The following ATP13A5 variants were observed in gnomAD, a reference collection of about 807,000 sequenced individuals.
The protein encoded by ATP13A5 is ATPase 13A5.
ATP13A5 carries 149 observed loss-of-function variants against 150.2 expected under a neutral mutation model. The observed-to-expected ratio is 0.99, with a 90% confidence interval of 0.87 to 1.14. The LOEUF (loss-of-function observed/expected upper bound fraction) is 1.14, where lower values mean the gene tolerates loss of function less well. Ranked by LOEUF, ATP13A5 falls within the 50% of genes most tolerant of loss-of-function variation. The pLI is 0.00. For synonymous variants in ATP13A5, 497 were observed against 522.2 expected (o/e 0.95, Z 0.66); for missense variants, 1,383 against 1,449.3 (o/e 0.95, Z 0.74).
chr3:193,301,457 A>G, intron 23 of ATP13A5, 150 bp from the exon 24 acceptor site: 1 of 618,558 alleles, frequency 1.6e-6, no homozygotes, highest in Non-Finnish European at 2.8e-6. Context: ...TTAACCACTC[A>G]TTCATTCATT....
At chr3:193,333,319 T>G (rs767488738) in intron 11 of ATP13A5, among the ~76,000 whole-genome samples, 15 of 152,130 alleles carry the variant, frequency 9.9e-5, no homozygotes, top group Non-Finnish European at 2.2e-4. Flanking sequence ...TCCCAGACTT[T>G]CTTATTTTCT....
chr3:193,333,818 T>G lies in ATP13A5; in HGVS notation c.1204A>C (p.Ile402Leu), dbSNP rs754945295. The change falls in exon 11 of 30, where the codon ATC becomes CTC. Residue 402 changes from isoleucine (I) to leucine (L), a missense_variant. By Grantham distance (5) the Ile-to-Leu change is conservative. This residue lies in a region of ATP13A5 where 787 missense variants were observed against 771.9 expected (regional missense o/e 1.02). Transcript: ENST00000342358. ...ACACCAAGGCAGGCCAGGAACACGA[T>G]GAACTTGAAGGCATCGCTGTATAGT... ...FKLYSDAFKF[I>L]VFLACLGVMG... 1 of 1,613,964 alleles carries G rather than the reference T, an allele frequency of 6.2e-7. No homozygotes were observed. Among genetic ancestry groups the G allele is most frequent in the South Asian group, 1.1e-5 (1 of 91,082 alleles).
rs9825451 is a variant in ATP13A5 at position 193,279,941 on chromosome 3, G to A, written c.3227-487C>T. Among the ~76,000 whole-genome samples, 200 of 137,204 alleles carry A rather than the reference G, an allele frequency of 1.5e-3. 2 individuals are homozygous for A. Among genetic ancestry groups the A allele is most frequent in the African/African-American group, 5.5e-3 (193 of 35,316 alleles). The allele number at this position is 137,204 out of a possible 152,430, so 90.0% of individuals were successfully genotyped here. A position where few individuals can be genotyped will look rare whatever the true frequency, so the allele number is the denominator to read the frequency against. On this transcript the variant is annotated intron_variant, in intron 27 of 29. Coordinates refer to ENST00000342358, the MANE Select transcript of ATP13A5 (RefSeq NM_198505.4). ...AAACCATAAAACCTCCAGCTTCCACGGAGGCCCAACACTCTCTAGCTTCTG... is the reference window on the plus strand; with the variant it reads ...AAACCATAAAACCTCCAGCTTCCACAGAGGCCCAACACTCTCTAGCTTCTG...
chr3:193,363,664 C>G (rs749366577), intron 2 of ATP13A5, among the ~76,000 whole-genome samples: 2 of 152,164 alleles, frequency 1.3e-5, no homozygotes, highest in African/African-American at 2.4e-5. Flanking sequence ...AAAGATAATA[C>G]TTTTCAGGAA....
chr3:193,276,181 G>C (rs1195961185), intron 29 of ATP13A5, among the ~76,000 whole-genome samples: 1 of 152,042 alleles, frequency 6.6e-6, no homozygotes, highest in Non-Finnish European at 1.5e-5. Context: ...AAGTCTTAAA[G>C]CACATGAGTT....
chr3:193,359,931 G>T (rs1475312675), intron 5 of ATP13A5, among the ~76,000 whole-genome samples: 1 of 152,184 alleles, frequency 6.6e-6, no homozygotes, highest in Non-Finnish European at 1.5e-5. Context: ...GACAGAAGCA[G>T]GGTGGGTGGG....
intron 7 of ATP13A5, 97 bp downstream of exon 7, chr3:193,350,970 G>A: frequency 7.1e-7 from 1 of 1,416,556 alleles, no homozygotes; most frequent in East Asian, 2.4e-5. Context: ...ATGACTTATG[G>A]TTGACAAAGC....
rs376950614 is a variant in ATP13A5 at position 193,378,708 on chromosome 3, C to T, written c.18G>A (p.Lys6=). 5 of 1,613,794 alleles carry T rather than the reference C, an allele frequency of 3.1e-6. No individual in the cohort carries two copies. Among genetic ancestry groups the T allele is most frequent in the African/African-American group, 1.3e-5 (1 of 74,912 alleles). ...GGTTGAGCAAAGCCCGATGGTCCTT[C>T]TTACTGTTCTCTTCCATCTGAACTC... is the stretch of plus-strand genomic sequence containing the variant. MEENS[K]KDHRALLNQG... The change falls in exon 1 of 30, where the codon AAG becomes AAA. Residue 6 remains lysine (K), a synonymous_variant. Transcript: ENST00000342358.
At chr3:193,348,284 G>A (rs1375297222) in intron 7 of ATP13A5, among the ~76,000 whole-genome samples, 1 of 152,132 alleles carries the variant, frequency 6.6e-6, no homozygotes, top group African/African-American at 2.4e-5. Flanking sequence ...TTTGCATATC[G>A]TTATTATTCA....
intron 14 of ATP13A5, chr3:193,323,476 T>C (rs1206641308): frequency 6.6e-6 from 1 of 152,202 alleles, no homozygotes; most frequent in Non-Finnish European, 1.5e-5. Flanking sequence ...ACAGAGCTAA[T>C]ACTAAAGATT....
At chr3:193,320,342 C>T (rs1429678625) in intron 16 of ATP13A5, among the ~76,000 whole-genome samples, 1 of 152,128 alleles carries the variant, frequency 6.6e-6, no homozygotes, top group East Asian at 1.9e-4. Context: ...CTCTCTATTT[C>T]TAAAAATGGG....
chr3:193,334,997 C>T lies in ATP13A5; in HGVS notation c.1046G>A (p.Cys349Tyr). The T allele has an allele frequency of 6.2e-7, 1 of 1,613,996 alleles. No individual in the cohort carries two copies. Residue 349 changes from cysteine to tyrosine, a missense_variant, in exon 10 of 30, where the codon TGT (cysteine) becomes TAT (tyrosine). This residue lies in a region of ATP13A5 where 787 missense variants were observed against 771.9 expected (regional missense o/e 1.02). Coordinates refer to ENST00000342358, the MANE Select transcript of ATP13A5 (RefSeq NM_198505.4). ...CTTGACCTGGATAACTTCTGTTCCA[C>T]AGAAAAGGACGTGTTTCCTATAATC... is the stretch of plus-strand genomic sequence containing the variant. ...LEDYRKHVLF[C>Y]GTEVIQVKPS... is the part of the protein sequence containing the mutation.
intron 9 of ATP13A5, among the ~76,000 whole-genome samples, chr3:193,339,664 G>A (rs1377866932): frequency 6.6e-6 from 1 of 152,110 alleles, no homozygotes; most frequent in African/African-American, 2.4e-5. Context: ...CATCCATTGT[G>A]TAGATGTATC....
At chr3:193,341,275 C>T (rs757365810) in intron 9 of ATP13A5, among the ~76,000 whole-genome samples, 20 of 151,378 alleles carry the variant, frequency 1.3e-4, no homozygotes, top group Non-Finnish European at 1.9e-4. Flanking sequence ...AAGAGAAGGA[C>T]GGGGGAGTTG....
At chr3:193,351,582 G>C (rs1712565458) in intron 6 of ATP13A5, among the ~76,000 whole-genome samples, 2 of 152,152 alleles carry the variant, frequency 1.3e-5, no homozygotes, top group Admixed American at 1.3e-4. Context: ...CAGTTTAATT[G>C]CAGTTTTATT....
At chr3:193,297,898 G>A (rs989252546) in intron 25 of ATP13A5, among the ~76,000 whole-genome samples, 3 of 152,084 alleles carry the variant, frequency 2.0e-5, no homozygotes, top group African/African-American at 7.2e-5. Flanking sequence ...CCATGTTTTT[G>A]GATTTCTAAT....
chr3:193,333,633 G>T, intron 11 of ATP13A5, 117 bp downstream of exon 11: 2 of 1,057,902 alleles, frequency 1.9e-6, no homozygotes, highest in Non-Finnish European at 2.8e-6. Context: ...AAGCTCTTTT[G>T]GACAGTAATG....
At chr3:193,348,415 T>C (rs1712435758) in intron 7 of ATP13A5, among the ~76,000 whole-genome samples, 1 of 152,154 alleles carries the variant, frequency 6.6e-6, no homozygotes, top group African/African-American at 2.4e-5. Context: ...GGCAAAGCAC[T>C]GTGGGCCAGA....
chr3:193,319,115 G>A lies in ATP13A5; in HGVS notation c.1916-7C>T, dbSNP rs1388711937. On this transcript the variant is annotated splice_polypyrimidine_tract_variant and splice_region_variant and intron_variant, in intron 16 of 29. Coordinates refer to ENST00000342358, the MANE Select transcript of ATP13A5 (RefSeq NM_198505.4). ...TGTGGGAAATTCTTGGGCACTGCCAGGGTAGAAGAAACAGGTAAGTGTAAG... is the reference window on the plus strand; with the variant it reads ...TGTGGGAAATTCTTGGGCACTGCCAAGGTAGAAGAAACAGGTAAGTGTAAG... The A allele has an allele frequency of 1.2e-6, 2 of 1,608,712 alleles. No homozygotes were observed. Among genetic ancestry groups the A allele is most frequent in the Admixed American group, 1.7e-5 (1 of 59,968 alleles).
Sources: allele counts gnomAD v4.1 joint callset (sites outside exome capture counted in the v4.1 genomes callset), GRCh38; gene constraint gnomAD v4.1.1; regional missense constraint gnomAD v4.1.1; transcripts MANE v1.5; gene names NCBI Gene and HGNC (gene_info 2026-07-23, HGNC 2026-07-21).